Variants in PCDHA12 observed in about 807,000 individuals in gnomAD.
The protein encoded by PCDHA12 is protocadherin alpha 12.
A neutral mutation model predicts 60.0 loss-of-function variants in PCDHA12; 44 were observed. The observed-to-expected ratio is 0.73, with a 90% CI of 0.58 to 0.94. The LOEUF (loss-of-function observed/expected upper bound fraction) is 0.94. Ranked by LOEUF, PCDHA12 falls within the 40% of genes least tolerant of loss-of-function variation. PCDHA12 has a pLI of 0.00. For synonymous variants in PCDHA12, 569 were observed against 553.0 expected, an observed-to-expected ratio of 1.03 and a Z score of -0.40; for missense variants, 1,276 against 1,239.7, an observed-to-expected ratio of 1.03 and a Z score of -0.44.
At chr5:140,936,519 G>A (rs77875081) in intron 1 of PCDHA12, among the ~76,000 whole-genome samples, 2,263 of 152,276 alleles carry the variant, frequency 0.015, 25 homozygotes, top group Non-Finnish European at 0.022. Context: ...TAAATTACCT[G>A]AAATTGCTTT....
At chr5:140,909,235 A>G (rs1554193708) in intron 1 of PCDHA12, among the ~76,000 whole-genome samples, 1 of 152,182 alleles carries the variant, frequency 6.6e-6, no homozygotes, top group African/African-American at 2.4e-5. Flanking sequence ...TAGGATGGTA[A>G]AGATATATTG....
chr5:141,009,941 C>T lies in PCDHA12; in HGVS notation c.*4C>T, dbSNP rs976573218. On this transcript the variant is annotated 3_prime_UTR_variant, in exon 4 of 4. Coordinates refer to ENST00000398631, the MANE Select transcript of PCDHA12 (RefSeq NM_018903.4). ...GACTGACAACAGTGACCAGTGAGGT[C>T]CTCAAATGGAAACAAGCCACTTAGC... is the stretch of plus-strand genomic sequence containing the variant. 6.3e-7 allele frequency: 1 copy of T among 1,597,476 alleles called. No individual in the cohort carries two copies. The highest frequency in any genetic ancestry group is 1.4e-5 in the African/African-American group (1 of 73,558).
At chr5:140,972,612 C>T (rs1554234244) in intron 1 of PCDHA12, among the ~76,000 whole-genome samples, 2 of 151,080 alleles carry the variant, frequency 1.3e-5, no homozygotes, top group African/African-American at 4.9e-5. Context: ...GAACTTGATA[C>T]TGAATGTTGT....
chr5:140,937,195 G>A lies in PCDHA12; in HGVS notation c.2368-41754G>A, dbSNP rs371063672. On this transcript the variant is annotated intron_variant, in intron 1 of 3. Coordinates refer to ENST00000398631, the MANE Select transcript of PCDHA12 (RefSeq NM_018903.4). ...TGGGACTACAGGCGCCCGCCACCAT[G>A]CCCGGCTAATTTTTTGTATTTTTTG... Among the ~76,000 whole-genome samples the A allele has an allele frequency of 1.5e-3, 231 of 151,994 alleles. 5 individuals are homozygous for A. The South Asian group carries it at 0.033, about 22-fold the overall frequency.
At chr5:140,968,324 T>C (rs781875050) in intron 1 of PCDHA12, 15 of 1,613,972 alleles carry the variant, frequency 9.3e-6, no homozygotes. Context: ...GCCAGTCACC[T>C]CCTATGTCTC....
At chr5:140,892,827 A>G (rs1304427197) in intron 1 of PCDHA12, among the ~76,000 whole-genome samples, 3 of 152,188 alleles carry the variant, frequency 2.0e-5, no homozygotes, top group African/African-American at 7.2e-5. Context: ...ACAGTGCTAC[A>G]GTGCTGCAAA....
At chr5:140,991,535 A>G (rs1323346658) in intron 3 of PCDHA12, among the ~76,000 whole-genome samples, 4 of 152,244 alleles carry the variant, frequency 2.6e-5, no homozygotes, top group South Asian at 4.1e-4. Context: ...TTGCCACTAT[A>G]TAACAAGGAT....
intron 1 of PCDHA12, chr5:140,929,048 G>A (rs782818540): frequency 1.9e-5 from 31 of 1,614,088 alleles, no homozygotes; most frequent in Middle Eastern, 1.6e-4. Flanking sequence ...CAGAGCTGCT[G>A]TCGCTCTACA....
chr5:141,007,435 G>A (rs1342767950), intron 3 of PCDHA12, among the ~76,000 whole-genome samples: 1 of 150,972 alleles, frequency 6.6e-6, no homozygotes, highest in Non-Finnish European at 1.5e-5. Flanking sequence ...AGGCATGGTG[G>A]CATGTGCCTG....
At chr5:140,967,254 C>G in intron 1 of PCDHA12, 3 of 1,613,562 alleles carry the variant, frequency 1.9e-6, no homozygotes, top group Non-Finnish European at 2.5e-6. Context: ...TCGGTGGCGC[C>G]TGGAGCGCGC....
In PCDHA12 at chr5:140,877,218, G is replaced by C. The variant is rs781819579; in HGVS notation, c.1746G>C (p.Pro582=). ...GAGGCGCAGTTAGCGAGTTGGTACC[G>C]CGGTCGGTGGGTGCGGGCCACGTGG... ...SAGGAVSELV[P]RSVGAGHVVA... is the part of the protein sequence containing the mutation. The change falls in exon 1 of 4, where the codon CCG becomes CCC. Residue 582 remains proline, a synonymous_variant. Transcript: ENST00000398631. 1 of 1,613,726 alleles carries C rather than the reference G, an allele frequency of 6.2e-7. No individual in the cohort carries two copies. Among genetic ancestry groups the C allele is most frequent in the South Asian group, 1.1e-5 (1 of 91,038 alleles).
chr5:141,011,662 G>C lies in PCDHA12; in HGVS notation c.*1725G>C, dbSNP rs1166635893. On this transcript the variant is annotated 3_prime_UTR_variant, in exon 4 of 4. Coordinates refer to ENST00000398631, the MANE Select transcript of PCDHA12 (RefSeq NM_018903.4). The stretch of plus-strand genomic sequence containing the variant: ...CAAGACTTCTGCTGGCAAGGGAATG[G>C]ATAAAGCTGTTTTGTTCTAGTAACA... 2.0e-5 allele frequency: 3 copies of C among 153,688 alleles called. No homozygotes were observed. Among genetic ancestry groups the C allele is most frequent in the African/African-American group, 7.2e-5 (3 of 41,414 alleles). The allele number at this position is 153,688 out of a possible 1,614,324, so 9.5% of individuals were successfully genotyped here.
intron 1 of PCDHA12, among the ~76,000 whole-genome samples, chr5:140,923,305 G>T (rs552769255): frequency 2.6e-5 from 4 of 152,186 alleles, no homozygotes; most frequent in Non-Finnish European, 5.9e-5. Context: ...GGGCGTGGGG[G>T]CGCTTGGCCT....
Position 140,875,547 on chromosome 5 carries a change from G to C in PCDHA12, c.75G>C (p.Glu25Asp), listed in dbSNP as rs558501431. The change falls in exon 1 of 4, where the codon GAG (glutamate) becomes GAC (aspartate). Residue 25 changes from glutamate to aspartate, a missense_variant. Transcript: ENST00000398631. ...LLSLLLLAAW[E>D]VGSGQLHYSV... ...CGCTTCTGCTCCTTGCAGCCTGGGA[G>C]GTGGGGAGCGGCCAGCTCCACTACT... 2 of 1,614,152 alleles carry C rather than the reference G, an allele frequency of 1.2e-6. No homozygotes were observed. Among genetic ancestry groups the C allele is most frequent in the Admixed American group, 1.7e-5 (1 of 60,028 alleles).
At chr5:140,888,234 G>A (rs1554183382) in intron 1 of PCDHA12, among the ~76,000 whole-genome samples, 2 of 152,250 alleles carry the variant, frequency 1.3e-5, no homozygotes, top group East Asian at 1.9e-4. Flanking sequence ...ATGTGTGTGC[G>A]TGTTCCTTTA....
intron 3 of PCDHA12, among the ~76,000 whole-genome samples, chr5:141,005,998 G>A (rs1289174174): frequency 1.3e-5 from 2 of 151,618 alleles, no homozygotes; most frequent in Non-Finnish European, 2.9e-5. Flanking sequence ...GGATCTGAAA[G>A]AAGGCCTGTA....
intron 3 of PCDHA12, among the ~76,000 whole-genome samples, chr5:140,996,311 G>T (rs191577867): frequency 2.6e-5 from 4 of 152,184 alleles, no homozygotes; most frequent in African/African-American, 7.2e-5. Context: ...ACAAAGTAAG[G>T]GGGGAGGGTA....
chr5:140,956,186 T>C (rs1305769419), intron 1 of PCDHA12, among the ~76,000 whole-genome samples: 1 of 152,204 alleles, frequency 6.6e-6, no homozygotes, highest in Non-Finnish European at 1.5e-5. Context: ...AATACTATGC[T>C]GAATAGGAGT....
chr5:140,980,628 CAGA>C (rs1554242055), intron 2 of PCDHA12, among the ~76,000 whole-genome samples: 1 of 150,868 alleles, frequency 6.6e-6, no homozygotes, highest in Non-Finnish European at 1.5e-5. Flanking sequence ...GACTCTGTCT[CAGA>C]AGAATAAATA....
Sources: allele counts gnomAD v4.1 joint callset (sites outside exome capture counted in the v4.1 genomes callset), GRCh38; gene constraint gnomAD v4.1.1; transcripts MANE v1.5; gene names NCBI Gene and HGNC (gene_info 2026-07-23, HGNC 2026-07-21).